Variants in SORBS2 observed in about 807,000 individuals in gnomAD.
SORBS2 encodes sorbin and SH3 domain containing 2.
SORBS2 carries 46 observed loss-of-function variants against 97.7 expected under a neutral mutation model. The observed-to-expected ratio is 0.47, with a 90% CI of 0.37 to 0.60. The LOEUF (loss-of-function observed/expected upper bound fraction) is 0.60. Among genes scored for constraint, SORBS2 ranks in the 20% least tolerant of loss-of-function variants. The pLI is 0.00. For missense variants in SORBS2, 1,316 were observed against 1,282.3 expected, an observed-to-expected ratio of 1.03 and a Z score of -0.40; for synonymous variants, 476 against 473.4, an observed-to-expected ratio of 1.01 and a Z score of -0.07.
chr4:185,833,226 G>A (rs891967218), intron 1 of SORBS2, among the ~76,000 whole-genome samples: 2 of 152,208 alleles, frequency 1.3e-5, no homozygotes, highest in Non-Finnish European at 2.9e-5. Context: ...ATGTGAACAT[G>A]TCTGGTTGGC....
At chr4:185,733,443 C>A (rs1489287434) in intron 2 of SORBS2, among the ~76,000 whole-genome samples, 3 of 152,222 alleles carry the variant, frequency 2.0e-5, no homozygotes, top group Admixed American at 2.0e-4. Context: ...GACATTGGAG[C>A]AAGGGCCCAT....
intron 4 of SORBS2, among the ~76,000 whole-genome samples, chr4:185,645,359 T>C (rs1490954892): frequency 6.6e-6 from 1 of 152,174 alleles, no homozygotes; most frequent in Admixed American, 6.5e-5. Context: ...AACTAGTAAA[T>C]GGGTTACAAG....
intron 2 of SORBS2, among the ~76,000 whole-genome samples, chr4:185,724,862 T>C (rs950932315): frequency 2.0e-5 from 3 of 152,224 alleles, no homozygotes; most frequent in African/African-American, 7.2e-5. Flanking sequence ...TGTTTCTGTG[T>C]TCTCAAAACA....
intron 1 of SORBS2, among the ~76,000 whole-genome samples, chr4:185,899,426 C>A (rs577398733): frequency 6.6e-6 from 1 of 151,896 alleles, no homozygotes; most frequent in South Asian, 2.1e-4. Flanking sequence ...TGTGAAGTAG[C>A]GAGTTTATTT....
chr4:185,785,366 AT>A (rs2099051469), intron 1 of SORBS2, among the ~76,000 whole-genome samples: 3 of 152,238 alleles, frequency 2.0e-5, no homozygotes, highest in Non-Finnish European at 4.4e-5. Context: ...CACAGGCAAC[AT>A]GAAAATTGTT....
chr4:185,870,623 A>T (rs891310584), intron 1 of SORBS2, among the ~76,000 whole-genome samples: 5 of 152,290 alleles, frequency 3.3e-5, no homozygotes, highest in South Asian at 2.1e-4. Flanking sequence ...CTCAGGGGGA[A>T]CCATGCGGCT....
intron 1 of SORBS2, among the ~76,000 whole-genome samples, chr4:185,820,522 G>A (rs1211909159): frequency 6.6e-6 from 1 of 152,216 alleles, no homozygotes; most frequent in East Asian, 1.9e-4. Flanking sequence ...GAGGGGCATG[G>A]TGTGCCCAAG....
chr4:185,665,054 A>G (rs1383525203), intron 4 of SORBS2, among the ~76,000 whole-genome samples: 2 of 152,228 alleles, frequency 1.3e-5, no homozygotes, highest in African/African-American at 4.8e-5. Flanking sequence ...TATGGAAAAG[A>G]TGTATATATT....
intron 4 of SORBS2, among the ~76,000 whole-genome samples, chr4:185,673,407 G>A (rs562788614): frequency 3.4e-4 from 52 of 152,228 alleles, no homozygotes; most frequent in African/African-American, 1.1e-3. Flanking sequence ...AAGAGGACAC[G>A]CTATCTTGGA....
intron 2 of SORBS2, among the ~76,000 whole-genome samples, chr4:185,680,312 C>T (rs1226216939): frequency 1.3e-5 from 2 of 152,040 alleles, no homozygotes; most frequent in Non-Finnish European, 2.9e-5. Flanking sequence ...CCTGGCCCTT[C>T]TTCTAGGATT....
At chr4:185,723,168 C>A (rs2098529208) in intron 2 of SORBS2, among the ~76,000 whole-genome samples, 1 of 152,120 alleles carries the variant, frequency 6.6e-6, no homozygotes, top group Non-Finnish European at 1.5e-5. Flanking sequence ...ATAAATCCCA[C>A]AGCCACTAAA....
intron 2 of SORBS2, among the ~76,000 whole-genome samples, chr4:185,768,859 A>T (rs1039235): frequency 0.77 from 117,207 of 152,080 alleles, 45,585 homozygotes; most frequent in African/African-American, 0.86. Context: ...CAAGGTATTG[A>T]CAGCTACAGA....
intron 13 of SORBS2, 33 bp from the exon 26 acceptor site, chr4:185,589,818 A>G: frequency 9.1e-7 from 1 of 1,099,798 alleles, no homozygotes; most frequent in Non-Finnish European, 1.4e-6. Context: ...GTTTAAAAAC[A>G]TCTTGACACC....
chr4:185,944,733 G>A (rs771749835), intron 1 of SORBS2, among the ~76,000 whole-genome samples: 16 of 152,164 alleles, frequency 1.1e-4, no homozygotes, highest in Non-Finnish European at 1.5e-4. Context: ...CCTGGAAAAT[G>A]AAGACAAGTA....
intron 12 of SORBS2, among the ~76,000 whole-genome samples, chr4:185,600,344 C>G (rs10049678): frequency 6.6e-6 from 1 of 151,796 alleles, no homozygotes; most frequent in Non-Finnish European, 1.5e-5. Context: ...CTTTTTTTGT[C>G]TTTTATTTTT....
chr4:185,801,730 C>T (rs1440813879), intron 1 of SORBS2, among the ~76,000 whole-genome samples: 1 of 152,124 alleles, frequency 6.6e-6, no homozygotes, highest in African/African-American at 2.4e-5. Context: ...ATTTCTTAAT[C>T]TTTCCATGTG....
chr4:185,646,408 T>C, intron 4 of SORBS2: 1 of 303,470 alleles, frequency 3.3e-6, no homozygotes, highest in East Asian at 5.1e-5. Flanking sequence ...TACACCTGCA[T>C]GTGTGTGTGT....
At chr4:185,605,471 TG>T (rs2096389956) in intron 12 of SORBS2, among the ~76,000 whole-genome samples, 1 of 148,318 alleles carries the variant, frequency 6.7e-6, no homozygotes, top group Non-Finnish European at 1.5e-5. Context: ...TTAGTGGAGA[TG>T]GGGGTTTTAC....
intron 4 of SORBS2, among the ~76,000 whole-genome samples, chr4:185,634,231 C>T (rs1561550732): frequency 6.6e-6 from 1 of 152,144 alleles, no homozygotes. Flanking sequence ...TAGAAATTTG[C>T]ATATTTTCTT....
Sources: gnomAD v4.1 joint callset for allele counts (sites outside exome capture counted in the v4.1 genomes callset) on GRCh38, gnomAD v4.1.1 for gene constraint, MANE v1.5 for transcripts, NCBI Gene and HGNC (gene_info 2026-07-23, HGNC 2026-07-21) for gene names.